ACADL: variants seen among roughly 807,000 people sequenced by gnomAD.
The protein encoded by ACADL is long-chain specific acyl-CoA dehydrogenase, mitochondrial.
Under a neutral mutation model 56.9 loss-of-function variants are expected in ACADL, and 60 were observed. The observed-to-expected ratio is 1.05, with a 90% CI of 0.86 to 1.31. The LOEUF (loss-of-function observed/expected upper bound fraction) is 1.31. ACADL is among the 50% of genes most tolerant of loss of function. ACADL has a pLI of 0.00. For missense variants in ACADL, 484 were observed against 525.5 expected, an observed-to-expected ratio of 0.92 and a Z score of 0.77; for synonymous variants, 158 against 179.7, an observed-to-expected ratio of 0.88 and a Z score of 0.97.
At chr2:210,197,833 C>A (rs969091637) in intron 8 of ACADL, among the ~76,000 whole-genome samples, 2 of 152,182 alleles carry the variant, frequency 1.3e-5, no homozygotes, top group African/African-American at 4.8e-5. Flanking sequence ...ATTTAGAATT[C>A]TTGCATCAGT....
Position 210,216,486 on chromosome 2 carries a change from C to A in ACADL, c.397G>T (p.Gly133Cys). 1.2e-6 allele frequency: 2 copies of A among 1,613,550 alleles called. No homozygotes were observed. The highest frequency in any genetic ancestry group is 1.1e-5 in the South Asian group (1 of 91,062). ...ACAATACCTGAATGAATACTAAAAC[C>A]TGGGCCTGAACAATTTGAATAAGCT... ...EQAYSNCSGP[G>C]FSIHSGIVMS... The change falls in exon 4 of 11, where the codon GGT becomes TGT. Residue 133 changes from glycine (G) to cysteine (C), a missense_variant. By Grantham distance (159) the Gly-to-Cys change is radical. Coordinates refer to ENST00000233710, the MANE Select transcript of ACADL (RefSeq NM_001608.4).
chr2:210,215,391 T>TAG (rs1689069412), intron 4 of ACADL, among the ~76,000 whole-genome samples: 1 of 152,208 alleles, frequency 6.6e-6, no homozygotes, highest in African/African-American at 2.4e-5. Flanking sequence ...GGCCTTGACA[T>TAG]TACTAACTTC....
In ACADL at chr2:210,195,231, A is replaced by C; in HGVS notation, c.1092T>G (p.Thr364=). The C allele has an allele frequency of 6.2e-7, 1 of 1,613,944 alleles. No homozygotes were observed. Among genetic ancestry groups the C allele is most frequent in the Non-Finnish European group, 8.5e-7 (1 of 1,179,910 alleles). Residue 364 remains threonine (T), a synonymous_variant, in exon 9 of 11, where the codon ACT becomes ACG. Transcript: ENST00000233710. The part of the protein sequence containing the change: ...LHEAKRLDSA[T]ACMAKYWASE... Reference sequence around the variant, plus strand: ...CATACCAATATTTCGCCATGCAAGCAGTGGCGGAGTCCAAACGTTTCGCTT... The same window carrying C: ...CATACCAATATTTCGCCATGCAAGCCGTGGCGGAGTCCAAACGTTTCGCTT...
At chr2:210,197,349 C>T (rs72990880) in intron 8 of ACADL, among the ~76,000 whole-genome samples, 2,324 of 152,172 alleles carry the variant, frequency 0.015, 31 homozygotes, top group Non-Finnish European at 0.023. Context: ...CTTTCTTCCC[C>T]GCTTATTGTT....
chr2:210,219,920 T>G (rs1689146780), intron 2 of ACADL, among the ~76,000 whole-genome samples: 1 of 152,146 alleles, frequency 6.6e-6, no homozygotes. Context: ...TAATGTAGGC[T>G]GGCCTAAACT....
intron 9 of ACADL, among the ~76,000 whole-genome samples, chr2:210,194,943 T>C (rs1424209381): frequency 6.6e-6 from 1 of 152,160 alleles, no homozygotes; most frequent in Non-Finnish European, 1.5e-5. Flanking sequence ...ACTCTTAATA[T>C]TTTATTTTCA....
Position 210,204,661 on chromosome 2 carries a change from CA to C in ACADL, c.789del (p.Phe263LeufsTer23), listed in dbSNP as rs1436840193. On this transcript the variant is annotated frameshift_variant, in exon 7 of 11. Transcript: ENST00000233710. LOFTEE classifies it high-confidence loss of function. ...GCACTAGCTGGCAACCGTATATCTT[CA>C]AAGAATAGTTCTGCGGTATCCTAAG... is the stretch of plus-strand genomic sequence containing the variant. ...LKAQDTAELF[F>X]EDIRLPASAL... 1 of 1,611,340 alleles carries C rather than the reference CA, an allele frequency of 6.2e-7. No individual in the cohort carries two copies. Among genetic ancestry groups the C allele is most frequent in the African/African-American group, 1.3e-5 (1 of 74,832 alleles).
chr2:210,207,077 G>GT (rs1351524749), intron 5 of ACADL, among the ~76,000 whole-genome samples: 2 of 152,068 alleles, frequency 1.3e-5, no homozygotes, highest in Non-Finnish European at 2.9e-5. Flanking sequence ...TCAGCATCTA[G>GT]TTTTTTCTAA....
chr2:210,222,867 C>T (rs974790757), intron 1 of ACADL, among the ~76,000 whole-genome samples: 5 of 152,156 alleles, frequency 3.3e-5, no homozygotes, highest in Non-Finnish European at 5.9e-5. Context: ...TGGAAATGAT[C>T]GGCTCCTTTT....
chr2:210,217,963 AC>A lies in ACADL; in HGVS notation c.371+1del, dbSNP rs1370321490. On this transcript the variant is annotated splice_donor_variant, in intron 3 of 10. Transcript: ENST00000233710. LOFTEE classifies it high-confidence loss of function. ...CTCAACCTTAAAAGTCTCCATACTT[AC>A]TGCTCCTCCCAGACAATAGCTGCGG... The A allele has an allele frequency of 6.2e-7, 1 of 1,613,916 alleles. No individual in the cohort carries two copies. Among genetic ancestry groups the A allele is most frequent in the African/African-American group, 1.3e-5 (1 of 74,910 alleles).
intron 8 of ACADL, 59 bp downstream of exon 8, chr2:210,203,272 G>T: frequency 8.6e-7 from 1 of 1,158,368 alleles, no homozygotes; most frequent in South Asian, 1.3e-5. Context: ...ATTTACCCCA[G>T]GCCATTTCAG....
intron 1 of ACADL, 114 bp downstream of exon 1, chr2:210,225,073 A>C: frequency 6.6e-7 from 1 of 1,507,936 alleles, no homozygotes; most frequent in Non-Finnish European, 8.8e-7. Flanking sequence ...GGAGTTGGGG[A>C]GCACTCCCAG....
intron 1 of ACADL, chr2:210,224,868 G>T: frequency 9.1e-7 from 1 of 1,097,856 alleles, no homozygotes; most frequent in Non-Finnish European, 1.1e-6. Flanking sequence ...GGGTCCCACT[G>T]CAGGCCGCTG....
rs1018129713 is a variant in ACADL at position 210,188,371 on chromosome 2, A to G, written c.*590T>C. 3 of 154,130 alleles carry G rather than the reference A, an allele frequency of 1.9e-5. No homozygotes were observed. Among genetic ancestry groups the G allele is most frequent in the African/African-American group, 7.2e-5 (3 of 41,460 alleles). 9.5% of individuals were successfully genotyped at this position (154,130 alleles called of 1,614,324 possible). A position where few individuals can be genotyped will look rare whatever the true frequency, so the allele number is the denominator to read the frequency against. On this transcript the variant is annotated 3_prime_UTR_variant, in exon 11 of 11. Coordinates refer to ENST00000233710, the MANE Select transcript of ACADL (RefSeq NM_001608.4). Reference sequence around the variant, plus strand: ...TGAGTCCTAGGGGTTTCAAGGCAGTAAGGTATGATGGCTTCCAGCTTCAAT... The same window carrying G: ...TGAGTCCTAGGGGTTTCAAGGCAGTGAGGTATGATGGCTTCCAGCTTCAAT...
At position 210,225,344 on chromosome 2, in the gene ACADL, G is replaced by A; in HGVS notation, c.-81C>T. ...CTCGGGGCAGGGTCCCCGGGAGGGA[G>A]GACGATCAGCTGAGGCGTCCACCTG... On this transcript the variant is annotated 5_prime_UTR_variant, in exon 1 of 11. Coordinates refer to ENST00000233710, the MANE Select transcript of ACADL (RefSeq NM_001608.4). 2 of 1,459,902 alleles carry A rather than the reference G, an allele frequency of 1.4e-6. No homozygotes were observed. Among genetic ancestry groups the A allele is most frequent in the Non-Finnish European group, 1.8e-6 (2 of 1,084,186 alleles). 90.4% of individuals were successfully genotyped at this position (1,459,902 alleles called of 1,614,324 possible). A position where few individuals can be genotyped will look rare whatever the true frequency, so the allele number is the denominator to read the frequency against.
At chr2:210,199,409 C>A (rs918865307) in intron 8 of ACADL, among the ~76,000 whole-genome samples, 2 of 151,916 alleles carry the variant, frequency 1.3e-5, no homozygotes, top group African/African-American at 4.8e-5. Context: ...AAGAAGGCAA[C>A]AATAAAATGA....
At chr2:210,190,904 G>T (rs1044367295) in intron 10 of ACADL, among the ~76,000 whole-genome samples, 31 of 122,694 alleles carry the variant, frequency 2.5e-4, no homozygotes, top group South Asian at 2.2e-3. Context: ...TGGCTTTTTT[G>T]TTGTTGTTGT....
chr2:210,197,634 AG>A (rs547225903), intron 8 of ACADL, among the ~76,000 whole-genome samples: 40 of 152,328 alleles, frequency 2.6e-4, no homozygotes, highest in South Asian at 1.2e-3. Flanking sequence ...TTGGAAAATA[AG>A]GGTGGATCCA....
At position 210,217,948 on chromosome 2, in the gene ACADL, A is replaced by T; in HGVS notation, c.371+17T>A. 1 of 1,613,976 alleles carries T rather than the reference A, an allele frequency of 6.2e-7. No individual in the cohort carries two copies. Among genetic ancestry groups the T allele is most frequent in the Non-Finnish European group, 8.5e-7 (1 of 1,179,924 alleles). Reference sequence around the variant, plus strand: ...GTTTACAAAACAAGACTCAACCTTAAAAGTCTCCATACTTACTGCTCCTCC... The same window carrying T: ...GTTTACAAAACAAGACTCAACCTTATAAGTCTCCATACTTACTGCTCCTCC... On this transcript the variant is annotated intron_variant, in intron 3 of 10. Transcript: ENST00000233710.
Sources: allele counts gnomAD v4.1 joint callset (sites outside exome capture counted in the v4.1 genomes callset), GRCh38; gene constraint gnomAD v4.1.1; transcripts MANE v1.5; gene names NCBI Gene and HGNC (gene_info 2026-07-23, HGNC 2026-07-21).